Variants in SLMAP observed in about 807,000 individuals in gnomAD.
SLMAP encodes the protein sarcolemma associated protein.
In SLMAP, 44 loss-of-function variants were observed where a neutral mutation model predicts 128.8. That is an observed-to-expected ratio of 0.34 (90% CI 0.27 to 0.44). The LOEUF (loss-of-function observed/expected upper bound fraction) is 0.44. Among genes scored for constraint, SLMAP ranks in the 20% least tolerant of loss-of-function variants. The probability of loss-of-function intolerance (pLI) is 1.00; values close to 1 mark genes in which losing one functional copy is unlikely to be tolerated. For synonymous variants in SLMAP, 327 were observed against 348.8 expected, an observed-to-expected ratio of 0.94 and a Z score of 0.70; for missense variants, 787 against 985.3, an observed-to-expected ratio of 0.80 and a Z score of 2.69.
rs542240019 is a variant in SLMAP, at chr3:57,927,475, C to T, written c.*186C>T. 2.7e-4 allele frequency: 183 copies of T among 677,656 alleles called. No homozygotes were observed. The highest frequency in any genetic ancestry group is 4.4e-4 in the Non-Finnish European group (176 of 404,584). The allele number at this position is 677,656 out of a possible 1,614,324, so 42.0% of individuals were successfully genotyped here. A position where few individuals can be genotyped will look rare whatever the true frequency, so the allele number is the denominator to read the frequency against. Reference sequence around the variant, plus strand: ...GGACAAACAGAACCATTTTCTTCCTCTTTACCTCTTAAAACAGCAGAAGTA... The same window carrying T: ...GGACAAACAGAACCATTTTCTTCCTTTTTACCTCTTAAAACAGCAGAAGTA... On this transcript the variant is annotated 3_prime_UTR_variant, in exon 25 of 25. Coordinates refer to ENST00000671191, the MANE Select transcript of SLMAP (RefSeq NM_001377540.1).
At chr3:57,842,170 G>A (rs2093968049) in intron 4 of SLMAP, among the ~76,000 whole-genome samples, 1 of 152,118 alleles carries the variant, frequency 6.6e-6, no homozygotes, top group South Asian at 2.1e-4. Flanking sequence ...GCATTGAATA[G>A]GAAAGTGAGA....
intron 2 of SLMAP, among the ~76,000 whole-genome samples, chr3:57,817,407 G>T (rs2153523209): frequency 6.6e-6 from 1 of 152,278 alleles, no homozygotes; most frequent in African/African-American, 2.4e-5. Flanking sequence ...CTGAATTTCT[G>T]TTAAGAGATG....
At chr3:57,768,189 C>T (rs554315803) in intron 2 of SLMAP, among the ~76,000 whole-genome samples, 5 of 152,092 alleles carry the variant, frequency 3.3e-5, no homozygotes, top group South Asian at 4.2e-4. Context: ...AAAATATGGA[C>T]GTGTTTGGTG....
intron 2 of SLMAP, among the ~76,000 whole-genome samples, chr3:57,795,729 A>T (rs1028748374): frequency 2.0e-5 from 3 of 152,128 alleles, no homozygotes; most frequent in African/African-American, 7.2e-5. Context: ...TTTCAGTGGC[A>T]TTAAGTACAT....
chr3:57,876,463 T>C (rs2153627227), intron 14 of SLMAP, among the ~76,000 whole-genome samples: 1 of 152,324 alleles, frequency 6.6e-6, no homozygotes, highest in South Asian at 2.1e-4. Context: ...AAAGTAAATA[T>C]TCTCTATTAA....
At chr3:57,811,491 A>T (rs535444819) in intron 2 of SLMAP, among the ~76,000 whole-genome samples, 1 of 152,308 alleles carries the variant, frequency 6.6e-6, no homozygotes, top group African/African-American at 2.4e-5. Flanking sequence ...TTATCCATTC[A>T]TCTATTGATG....
intron 2 of SLMAP, among the ~76,000 whole-genome samples, chr3:57,809,691 A>G (rs760891905): frequency 2.6e-4 from 40 of 152,126 alleles, no homozygotes; most frequent in Non-Finnish European, 4.4e-4. Context: ...GGTCCCATTC[A>G]TGGCCACTCA....
chr3:57,762,124 T>G (rs2078796173), intron 2 of SLMAP, among the ~76,000 whole-genome samples: 1 of 149,730 alleles, frequency 6.7e-6, no homozygotes, highest in Admixed American at 6.6e-5. Flanking sequence ...AATCCAGCAC[T>G]TGGGGAGGCT....
At position 57,927,537 on chromosome 3, in the gene SLMAP, A is replaced by G; in HGVS notation, c.*248A>G. Reference sequence around the variant, plus strand: ...CTGTAGGGTCATTGCTTTAAATTATATAAAATGTATCTGTCTATAAAGAAG... The same window carrying G: ...CTGTAGGGTCATTGCTTTAAATTATGTAAAATGTATCTGTCTATAAAGAAG... On this transcript the variant is annotated 3_prime_UTR_variant, in exon 25 of 25. Transcript: ENST00000671191. The G allele has an allele frequency of 2.5e-6, 1 of 396,606 alleles. No individual in the cohort carries two copies. Among genetic ancestry groups the G allele is most frequent in the Non-Finnish European group, 4.5e-6 (1 of 220,126 alleles). 24.6% of individuals were successfully genotyped at this position (396,606 alleles called of 1,614,324 possible).
chr3:57,836,458 A>G (rs2093646800), intron 3 of SLMAP, among the ~76,000 whole-genome samples: 1 of 152,202 alleles, frequency 6.6e-6, no homozygotes, highest in Non-Finnish European at 1.5e-5. Context: ...ATCGGTTCAT[A>G]TTAGTGTCAT....
chr3:57,832,303 C>T (rs1035612504), intron 3 of SLMAP, among the ~76,000 whole-genome samples: 1 of 152,114 alleles, frequency 6.6e-6, no homozygotes, highest in Admixed American at 6.5e-5. Flanking sequence ...AATTAGAGCT[C>T]TCTTAGCAAG....
At chr3:57,914,189 G>A (rs2096760553) in intron 21 of SLMAP, among the ~76,000 whole-genome samples, 1 of 152,054 alleles carries the variant, frequency 6.6e-6, no homozygotes, top group South Asian at 2.1e-4. Context: ...CCATATTTAA[G>A]TTTAAAATGG....
chr3:57,907,228 C>T (rs1036732414), intron 17 of SLMAP, among the ~76,000 whole-genome samples: 4 of 152,006 alleles, frequency 2.6e-5, no homozygotes, highest in East Asian at 1.9e-4. Context: ...GGGGTTTCAC[C>T]GTATTAGCCA....
At chr3:57,845,857 T>C (rs927284961) in intron 4 of SLMAP, among the ~76,000 whole-genome samples, 1 of 152,090 alleles carries the variant, frequency 6.6e-6, no homozygotes, top group Non-Finnish European at 1.5e-5. Flanking sequence ...CTTTTTTTTT[T>C]TGGAGATGGA....
At chr3:57,915,355 A>G (rs1452998494) in intron 21 of SLMAP, among the ~76,000 whole-genome samples, 1 of 152,358 alleles carries the variant, frequency 6.6e-6, no homozygotes, top group East Asian at 1.9e-4. Context: ...AAAGGGGCCT[A>G]TAAGTCATTG....
intron 5 of SLMAP, among the ~76,000 whole-genome samples, chr3:57,847,657 TAC>T (rs1370861101): frequency 1.6e-4 from 25 of 152,224 alleles, no homozygotes; most frequent in Non-Finnish European, 2.9e-4. Context: ...CTTTGAAGGT[TAC>T]TTTTTACCTG....
intron 21 of SLMAP, among the ~76,000 whole-genome samples, chr3:57,916,646 TAC>T (rs1460690585): frequency 1.3e-5 from 2 of 152,260 alleles, no homozygotes; most frequent in African/African-American, 2.4e-5. Context: ...CAACAAAATA[TAC>T]AGTTAATTAC....
intron 14 of SLMAP, among the ~76,000 whole-genome samples, chr3:57,883,570 A>C (rs912897227): frequency 6.6e-6 from 1 of 152,190 alleles, no homozygotes; most frequent in African/African-American, 2.4e-5. Context: ...TTCCAAAGGG[A>C]GGCAGTAAAC....
chr3:57,784,318 T>C (rs1472035713), intron 2 of SLMAP, among the ~76,000 whole-genome samples: 2 of 152,136 alleles, frequency 1.3e-5, no homozygotes, highest in African/African-American at 4.8e-5. Flanking sequence ...CCTGAGGCCT[T>C]TGTGAGCCCA....
Sources: allele counts gnomAD v4.1 joint callset (sites outside exome capture counted in the v4.1 genomes callset), GRCh38; gene constraint gnomAD v4.1.1; transcripts MANE v1.5; gene names NCBI Gene and HGNC (gene_info 2026-07-23, HGNC 2026-07-21).